Variants in NPAS1 observed in about 807,000 individuals in gnomAD.
The protein encoded by NPAS1 is neuronal PAS domain-containing protein 1.
NPAS1 carries 29 observed loss-of-function variants against 49.2 expected under a neutral mutation model. The ratio of observed to expected loss-of-function variants is 0.59; its 90% confidence interval spans 0.44 to 0.80. NPAS1 has a LOEUF of 0.80. Among genes scored for constraint, NPAS1 ranks in the 30% least tolerant of loss-of-function variants. The pLI, the probability that NPAS1 is intolerant of heterozygous loss-of-function variation, is 0.00. For synonymous variants in NPAS1, 408 were observed against 380.4 expected, an observed-to-expected ratio of 1.07 and a Z score of -0.84; for missense variants, 825 against 835.5, an observed-to-expected ratio of 0.99 and a Z score of 0.15.
rs550584880 is a variant in NPAS1, at chr19:47,040,644, CCA to C, written c.1069+97_1069+98del. 1.7e-4 allele frequency: 141 copies of C among 817,870 alleles called. No individual in the cohort carries two copies. In the African/African-American group the frequency reaches 2.1e-3, roughly 12 times the overall value. 50.7% of individuals were successfully genotyped at this position (817,870 alleles called of 1,614,324 possible). A position where few individuals can be genotyped will look rare whatever the true frequency, so the allele number is the denominator to read the frequency against. On this transcript the variant is annotated intron_variant, in intron 9 of 11. Coordinates refer to ENST00000602212, the MANE Select transcript of NPAS1 (RefSeq NM_002517.4). ...CCTGGAAGTCCTTCTTCAGGGCTGCCCACAGTCCCTCCTGCTGCACCTACAGC... is the reference window on the plus strand; with the variant it reads ...CCTGGAAGTCCTTCTTCAGGGCTGCCCAGTCCCTCCTGCTGCACCTACAGC...
At chr19:47,030,677 A>G (rs10410425) in intron 3 of NPAS1, among the ~76,000 whole-genome samples, 93,375 of 133,312 alleles carry the variant, frequency 0.7, 32,622 homozygotes, top group Admixed American at 0.74. Flanking sequence ...TGTCTGAGAC[A>G]GAGTCTCACT....
At chr19:47,037,052 GAA>G (rs150861252) in intron 6 of NPAS1, among the ~76,000 whole-genome samples, 4 of 120,606 alleles carry the variant, frequency 3.3e-5, no homozygotes, top group Admixed American at 8.7e-5. Flanking sequence ...CCAGTGTCTG[GAA>G]AAAAAAAAAA....
In NPAS1 at chr19:47,038,515, C is replaced by CAA. The variant is rs397859991; in HGVS notation, c.689-504_689-503dup. 1.8e-4 allele frequency among the ~76,000 whole-genome samples: 11 copies of CAA among 60,288 alleles called. No individual in the cohort carries two copies. In the East Asian group the frequency reaches 2.8e-3, roughly 15 times the overall value. 39.6% of individuals were successfully genotyped at this position (60,288 alleles called of 152,430 possible). Reference sequence around the variant, plus strand: ...CTGGTGACAGAGCGAGACTCCAGCTCAAAAAAAAAAAAAAAAAAGACATGG... The same window carrying CAA: ...CTGGTGACAGAGCGAGACTCCAGCTCAAAAAAAAAAAAAAAAAAAAGACATGG... On this transcript the variant is annotated intron_variant, in intron 6 of 11. Transcript: ENST00000602212.
chr19:47,042,682 G>T, intron 10 of NPAS1, 128 bp from the exon 11 acceptor site: 3 of 635,442 alleles, frequency 4.7e-6, no homozygotes, highest in Non-Finnish European at 7.8e-6. Flanking sequence ...CCTTGTAAGT[G>T]CCTCAGGGTG....
chr19:47,019,861 G>C lies in NPAS1; in HGVS notation c.-179G>C. ...GGCCGAGGTGGGCGCCGAGAGCTGG[G>C]CGCCACAGCCCGCGCGTCCCGCTGC... On this transcript the variant is annotated 5_prime_UTR_variant, in exon 1 of 12. Coordinates refer to ENST00000602212, the MANE Select transcript of NPAS1 (RefSeq NM_002517.4). 3.1e-6 allele frequency: 1 copy of C among 324,290 alleles called. No homozygotes were observed. The highest frequency in any genetic ancestry group is 5.6e-6 in the Non-Finnish European group (1 of 178,584). 20.1% of individuals were successfully genotyped at this position (324,290 alleles called of 1,614,324 possible).
At chr19:47,040,391 C>T in intron 8 of NPAS1, 53 bp from the exon 9 acceptor site, 1 of 1,288,564 alleles carries the variant, frequency 7.8e-7, no homozygotes, top group Non-Finnish European at 1.1e-6. Flanking sequence ...AACTCTGCCT[C>T]TCCCCCAACC....
chr19:47,028,226 A>G (rs1568501810), intron 3 of NPAS1, among the ~76,000 whole-genome samples: 1 of 152,140 alleles, frequency 6.6e-6, no homozygotes, highest in African/African-American at 2.4e-5. Flanking sequence ...ATTAGCAGGC[A>G]GCATTGTTCC....
rs958477898 is a variant in NPAS1, at chr19:47,045,601, C to A, written c.1723C>A (p.Leu575Met). ...GGAGGCCTTTTACCCGCCCCTGGGC[C>A]TGCCCTACCCGGGGCCCGCGGGCAC... ...LPEAFYPPLG[L>M]PYPGPAGTRL... The change falls in exon 12 of 12, where the codon CTG becomes ATG. Residue 575 changes from leucine to methionine, a missense_variant. Transcript: ENST00000602212. 3.4e-6 allele frequency: 5 copies of A among 1,458,496 alleles called. No individual in the cohort carries two copies. The highest frequency in any genetic ancestry group is 4.5e-6 in the Non-Finnish European group (5 of 1,116,760). 90.3% of individuals were successfully genotyped at this position (1,458,496 alleles called of 1,614,324 possible). A position where few individuals can be genotyped will look rare whatever the true frequency, so the allele number is the denominator to read the frequency against.
chr19:47,023,830 G>A lies in NPAS1; in HGVS notation c.358+1983G>A, dbSNP rs997139366. ...CCTACAAAAATAAAAATATTGGCTGGGCACGGTGGCTCACACCTGTAATCC... is the reference window on the plus strand; with the variant it reads ...CCTACAAAAATAAAAATATTGGCTGAGCACGGTGGCTCACACCTGTAATCC... On this transcript the variant is annotated intron_variant, in intron 3 of 11. Coordinates refer to ENST00000602212, the MANE Select transcript of NPAS1 (RefSeq NM_002517.4). Among the ~76,000 whole-genome samples the A allele has an allele frequency of 3.3e-5, 5 of 152,170 alleles. No homozygotes were observed. The South Asian group carries it at 8.3e-4, about 25-fold the overall frequency.
At chr19:47,028,456 CG>C (rs2056887599) in intron 3 of NPAS1, among the ~76,000 whole-genome samples, 1 of 152,042 alleles carries the variant, frequency 6.6e-6, no homozygotes, top group Non-Finnish European at 1.5e-5. Flanking sequence ...GGCGGGGTTT[CG>C]CCGCCTGGTG....
At chr19:47,024,754 A>G (rs1471476846) in intron 3 of NPAS1, among the ~76,000 whole-genome samples, 1 of 150,314 alleles carries the variant, frequency 6.7e-6, no homozygotes, top group East Asian at 2.0e-4. Flanking sequence ...TCTAGCCCTG[A>G]GCCTCTGAGT....
At chr19:47,038,273 C>T (rs545168095) in intron 6 of NPAS1, among the ~76,000 whole-genome samples, 1 of 152,304 alleles carries the variant, frequency 6.6e-6, no homozygotes, top group African/African-American at 2.4e-5. Context: ...AATCCCAGCA[C>T]TTTGGGAGGC....
intron 3 of NPAS1, among the ~76,000 whole-genome samples, chr19:47,026,488 C>A (rs1249424785): frequency 6.6e-6 from 1 of 152,138 alleles, no homozygotes; most frequent in Admixed American, 6.6e-5. Context: ...GGTGGTCCAG[C>A]CAGGGCAGCT....
chr19:47,034,693 A>G (rs147484186), intron 5 of NPAS1, among the ~76,000 whole-genome samples: 39 of 152,130 alleles, frequency 2.6e-4, no homozygotes, highest in African/African-American at 9.4e-4. Flanking sequence ...CCTGGGCAAC[A>G]TGGCGAAACC....
At chr19:47,032,485 C>T (rs1426257407) in intron 4 of NPAS1, 134 bp downstream of exon 4, 6 of 1,103,742 alleles carry the variant, frequency 5.4e-6, no homozygotes, top group Admixed American at 1.9e-5. Context: ...CAAGATCCCT[C>T]CACTCCCTGC....
Position 47,045,275 on chromosome 19 carries a change from AG to A in NPAS1, c.1398del (p.Glu466AspfsTer38). On this transcript the variant is annotated frameshift_variant, in exon 12 of 12. Transcript: ENST00000602212. LOFTEE classifies it low-confidence loss of function (END_TRUNC). ...PQTQGKRIKV[E>X]PGPRETKGSE... is the part of the protein sequence containing the mutation. The stretch of plus-strand genomic sequence containing the variant: ...ACCCAGGGCAAACGCATCAAAGTGG[AG>A]CCCGGCCCGAGGGAAACCAAAGGCT... The A allele has an allele frequency of 6.2e-7, 1 of 1,614,044 alleles. No individual in the cohort carries two copies. Among genetic ancestry groups the A allele is most frequent in the Non-Finnish European group, 8.5e-7 (1 of 1,180,002 alleles).
chr19:47,021,185 C>T lies in NPAS1; in HGVS notation c.122+16C>T. The T allele has an allele frequency of 1.3e-6, 2 of 1,515,866 alleles. No homozygotes were observed. The highest frequency in any genetic ancestry group is 1.3e-5 in the South Asian group (1 of 78,182). 93.9% of individuals were successfully genotyped at this position (1,515,866 alleles called of 1,614,324 possible). A position where few individuals can be genotyped will look rare whatever the true frequency, so the allele number is the denominator to read the frequency against. ...CCGGACCGTGGTGAGCAAAGCCCCG[C>T]CCCCCTGGCCGCGGGCCCCCCCCCG... is the stretch of plus-strand genomic sequence containing the variant. On this transcript the variant is annotated intron_variant, in intron 2 of 11. Coordinates refer to ENST00000602212, the MANE Select transcript of NPAS1 (RefSeq NM_002517.4). The surrounding 1 kb of genome is among the most constrained non-coding windows in gnomAD (Gnocchi z 5.7).
chr19:47,040,462 C>A lies in NPAS1; in HGVS notation c.981C>A (p.Asp327Glu). The A allele has an allele frequency of 6.2e-7, 1 of 1,600,432 alleles. No homozygotes were observed. The highest frequency in any genetic ancestry group is 1.7e-5 in the Admixed American group (1 of 57,886). ...ACESRVSDHM[D>E]LGPSELVGRS... ...CCCCCAGAGTCAGCGACCACATGGA[C>A]CTGGGGCCCTCAGAGCTGGTGGGCC... is the stretch of plus-strand genomic sequence containing the variant. Residue 327 changes from aspartate (D) to glutamate (E), a missense_variant, in exon 9 of 12, where the codon GAC (aspartate) becomes GAA (glutamate). Transcript: ENST00000602212.
chr19:47,040,748 G>A (rs994228849), intron 9 of NPAS1, 198 bp downstream of exon 9: 3 of 598,280 alleles, frequency 5.0e-6, no homozygotes, highest in African/African-American at 1.9e-5. Context: ...TGGGGGGGGG[G>A]TCTGGGGGGC....
Sources: gnomAD v4.1 joint callset for allele counts (sites outside exome capture counted in the v4.1 genomes callset) on GRCh38, gnomAD v4.1.1 for gene constraint, Gnocchi (gnomAD v3.1) non-coding constraint, MANE v1.5 for transcripts, NCBI Gene and HGNC (gene_info 2026-07-23, HGNC 2026-07-21) for gene names.